The following SBNO2 variants were observed in gnomAD, a reference collection of about 807,000 sequenced individuals.
SBNO2 encodes protein strawberry notch homolog 2.
A neutral mutation model predicts 146.3 loss-of-function variants in SBNO2; 89 were observed. That is an observed-to-expected ratio of 0.61 (90% CI 0.51 to 0.73). SBNO2 has a LOEUF of 0.73. Among genes scored for constraint, SBNO2 ranks in the 30% least tolerant of loss-of-function variants. SBNO2 has a pLI of 0.00. For missense variants in SBNO2, 2,092 were observed against 2,003.7 expected (o/e 1.04, Z -0.84); for synonymous variants, 1,147 against 892.6 (o/e 1.29, Z -5.08).
intron 4 of SBNO2, among the ~76,000 whole-genome samples, chr19:1,138,439 G>GA (rs1444966198): frequency 2.0e-5 from 3 of 151,908 alleles, no homozygotes; most frequent in Admixed American, 2.0e-4. Context: ...GTCATGCCTG[G>GA]AACACACAGA....
chr19:1,124,300 T>A (rs548973918), intron 5 of SBNO2, among the ~76,000 whole-genome samples: 17 of 152,186 alleles, frequency 1.1e-4, no homozygotes, highest in South Asian at 4.1e-4. Context: ...CTGCCTGGAG[T>A]GCCCGGGAGG....
intron 4 of SBNO2, among the ~76,000 whole-genome samples, chr19:1,143,600 G>A (rs900673367): frequency 6.6e-6 from 1 of 152,242 alleles, no homozygotes; most frequent in African/African-American, 2.4e-5. Context: ...GGAAAACCCA[G>A]TTCCTGCCTT....
Position 1,122,159 on chromosome 19 carries a change from C to T in SBNO2, c.1129G>A (p.Gly377Arg). 2 of 1,499,898 alleles carry T rather than the reference C, an allele frequency of 1.3e-6. No homozygotes were observed. The highest frequency in any genetic ancestry group is 1.3e-5 in the South Asian group (1 of 76,866). 92.9% of individuals were successfully genotyped at this position (1,499,898 alleles called of 1,614,324 possible). A position where few individuals can be genotyped will look rare whatever the true frequency, so the allele number is the denominator to read the frequency against. The change falls in exon 11 of 32, where the codon GGG becomes AGG. Residue 377 changes from glycine to arginine, a missense_variant. Transcript: ENST00000361757. ...GATACGACGCCCTCGAAGGCCTCCC[C>T]ACACCAGTCCAGGATCTGCCGGAGG... ...TRLRQILDWC[G>R]EAFEGVIVFD...
chr19:1,108,084 G>C lies in SBNO2; in HGVS notation c.*136C>G, dbSNP rs898802391. Reference sequence around the variant, plus strand: ...GGCTGACCAGGTGGGGGCCCGGGTCGGGCGCTGAAGGCACTGCGGCCAGGG... The same window carrying C: ...GGCTGACCAGGTGGGGGCCCGGGTCCGGCGCTGAAGGCACTGCGGCCAGGG... On this transcript the variant is annotated 3_prime_UTR_variant, in exon 32 of 32. Coordinates refer to ENST00000361757, the MANE Select transcript of SBNO2 (RefSeq NM_014963.3). The C allele has an allele frequency of 2.0e-6, 2 of 1,019,136 alleles. No individual in the cohort carries two copies. The highest frequency in any genetic ancestry group is 1.8e-5 in the African/African-American group (1 of 56,512). The allele number at this position is 1,019,136 out of a possible 1,614,324, so 63.1% of individuals were successfully genotyped here.
chr19:1,124,093 G>T, intron 5 of SBNO2, 71 bp from the exon 6 acceptor site: 1 of 1,424,218 alleles, frequency 7.0e-7, no homozygotes, highest in Non-Finnish European at 9.7e-7. Flanking sequence ...TCGCAGCCTG[G>T]CCACCAGAGG....
Position 1,136,919 on chromosome 19 carries a change from C to T in SBNO2, c.280-9154G>A, listed in dbSNP as rs1427966697. On this transcript the variant is annotated intron_variant, in intron 4 of 31. Coordinates refer to ENST00000361757, the MANE Select transcript of SBNO2 (RefSeq NM_014963.3). The surrounding 1 kb of genome is among the most constrained non-coding windows in gnomAD (Gnocchi z 4.2). ...TGGTCCCTGCAGCCCCATGGGGACC[C>T]GGGATGGATGCCCGGCAGGTGGAGA... 6.6e-6 allele frequency among the ~76,000 whole-genome samples: 1 copy of T among 151,812 alleles called. No individual in the cohort carries two copies. Among genetic ancestry groups the T allele is most frequent in the Non-Finnish European group, 1.5e-5 (1 of 67,974 alleles).
Position 1,108,063 on chromosome 19 carries a change from G to C in SBNO2, c.*157C>G. ...GTCCTGAGTGGGCCCCGCCAGGGCT[G>C]ACCAGGTGGGGGCCCGGGTCGGGCG... On this transcript the variant is annotated 3_prime_UTR_variant, in exon 32 of 32. Transcript: ENST00000361757. The C allele has an allele frequency of 1.2e-6, 1 of 812,080 alleles. No homozygotes were observed. The highest frequency in any genetic ancestry group is 1.7e-6 in the Non-Finnish European group (1 of 578,392). The allele number at this position is 812,080 out of a possible 1,614,324, so 50.3% of individuals were successfully genotyped here.
Position 1,147,432 on chromosome 19 carries a change from T to TGGG in SBNO2, c.168-15_168-13dup, listed in dbSNP as rs5826725. Reference sequence around the variant, plus strand: ...AGCTCATGAACGGGCTGGAGGGAGATGGGGGGGGGGGAGGTGAGATGGGGT... The same window carrying TGGG: ...AGCTCATGAACGGGCTGGAGGGAGATGGGGGGGGGGGGGGAGGTGAGATGGGGT... On this transcript the variant is annotated splice_polypyrimidine_tract_variant and intron_variant, in intron 3 of 31. Coordinates refer to ENST00000361757, the MANE Select transcript of SBNO2 (RefSeq NM_014963.3). The TGGG allele has an allele frequency of 4.6e-4, 307 of 661,858 alleles. No individual in the cohort carries two copies. Among genetic ancestry groups the TGGG allele is most frequent in the Middle Eastern group, 4.1e-3 (9 of 2,216 alleles). 41.0% of individuals were successfully genotyped at this position (661,858 alleles called of 1,614,324 possible).
intron 4 of SBNO2, among the ~76,000 whole-genome samples, chr19:1,141,003 A>G (rs372452382): frequency 6.6e-6 from 1 of 151,518 alleles, no homozygotes; most frequent in East Asian, 2.0e-4. Flanking sequence ...GAGAAGACAC[A>G]CCCTGGAGAA....
chr19:1,156,654 G>A (rs1467898051), intron 1 of SBNO2, among the ~76,000 whole-genome samples: 1 of 152,136 alleles, frequency 6.6e-6, no homozygotes, highest in East Asian at 1.9e-4. Context: ...CCACGTGCCA[G>A]AACACGACAC....
rs766421329 is a variant in SBNO2, at chr19:1,117,493, C to T, written c.1534G>A (p.Glu512Lys). The part of the protein sequence containing the change: ...VYNRAALLWA[E>K]ALNVFQQAAD... ...GCCTGCTGGAACACGTTCAGGGCCT[C>T]GGCCCACTGCAATGACACGTCACAA... Residue 512 changes from glutamate to lysine, a missense_variant, in exon 15 of 32, where the codon GAG becomes AAG. Transcript: ENST00000361757. 5 of 1,577,514 alleles carry T rather than the reference C, an allele frequency of 3.2e-6. No homozygotes were observed. Among genetic ancestry groups the T allele is most frequent in the South Asian group, 2.3e-5 (2 of 85,920 alleles).
At chr19:1,163,595 G>A (rs2080371272) in intron 1 of SBNO2, among the ~76,000 whole-genome samples, 2 of 152,242 alleles carry the variant, frequency 1.3e-5, no homozygotes, top group Non-Finnish European at 2.9e-5. Context: ...GATTTCCACA[G>A]CATCCCAGGA....
chr19:1,122,082 T>A, intron 11 of SBNO2, 57 bp downstream of exon 11: 6 of 694,934 alleles, frequency 8.6e-6, no homozygotes, highest in African/African-American at 2.1e-5. Context: ...TCCATCCTCC[T>A]TTTCCCTCCG....
rs1246077728 is a variant in SBNO2 at position 1,122,497 on chromosome 19, T to C, written c.976A>G (p.Thr326Ala). 1.9e-6 allele frequency: 3 copies of C among 1,572,746 alleles called. No homozygotes were observed. The highest frequency in any genetic ancestry group is 2.6e-6 in the Non-Finnish European group (3 of 1,161,218). The change falls in exon 10 of 32, where the codon ACG becomes GCG. Residue 326 changes from threonine (T) to alanine (A), a missense_variant. Transcript: ENST00000361757. ...AERDLRDIEA[T>A]GIAVHALSKI... ...CTGAGCGCGTGCACCGCGATGCCCGTGGCTTCGATGTCCCGCAGGTCGCGC... is the reference window on the plus strand; with the variant it reads ...CTGAGCGCGTGCACCGCGATGCCCGCGGCTTCGATGTCCCGCAGGTCGCGC...
At position 1,112,974 on chromosome 19, in the gene SBNO2, C is replaced by T. The variant is rs182332305; in HGVS notation, c.2248-25G>A. ...TCTGCAGCCGAGACAGGGACAAAAC[C>T]GGCCGTCAGTGTTGTGGCCTCGCAG... On this transcript the variant is annotated intron_variant, in intron 19 of 31. Coordinates refer to ENST00000361757, the MANE Select transcript of SBNO2 (RefSeq NM_014963.3). The surrounding 1 kb of genome is among the most constrained non-coding windows in gnomAD (Gnocchi z 5.9). The T allele has an allele frequency of 1.9e-4, 301 of 1,544,046 alleles. No individual in the cohort carries two copies. Among genetic ancestry groups the T allele is most frequent in the African/African-American group, 8.7e-4 (64 of 73,340 alleles).
intron 13 of SBNO2, 94 bp downstream of exon 13, chr19:1,119,422 A>G: frequency 9.7e-7 from 1 of 1,027,674 alleles, no homozygotes; most frequent in Non-Finnish European, 1.4e-6. Flanking sequence ...GTGCTGGGGA[A>G]GCACACGTGG....
chr19:1,146,571 C>A (rs2080191840), intron 4 of SBNO2, among the ~76,000 whole-genome samples: 1 of 151,930 alleles, frequency 6.6e-6, no homozygotes, highest in Admixed American at 6.6e-5. Flanking sequence ...TGGATGTGGT[C>A]CGGCCCAGCA....
intron 23 of SBNO2, 36 bp downstream of exon 23, chr19:1,111,960 C>A: frequency 1.3e-6 from 2 of 1,571,112 alleles, no homozygotes; most frequent in Non-Finnish European, 1.7e-6. Context: ...ACCCCTGCCC[C>A]TGCCCCGCCC....
chr19:1,119,368 A>G (rs2079871698), intron 13 of SBNO2, 148 bp downstream of exon 13: 4 of 841,520 alleles, frequency 4.8e-6, no homozygotes, highest in Middle Eastern at 3.3e-4. Context: ...AGTGCTGGGC[A>G]GCCCGAGGCA....
Sources: allele counts gnomAD v4.1 joint callset (sites outside exome capture counted in the v4.1 genomes callset), GRCh38; gene constraint gnomAD v4.1.1; non-coding constraint Gnocchi (gnomAD v3.1); transcripts MANE v1.5; gene names NCBI Gene and HGNC (gene_info 2026-07-23, HGNC 2026-07-21).